PCDHGA2: variants seen among roughly 807,000 people sequenced by gnomAD.
PCDHGA2 encodes the protein protocadherin gamma subfamily A, 2, also known as protocadherin gamma-A2.
PCDHGA2 carries 40 observed loss-of-function variants against 59.2 expected under a neutral mutation model. That is an observed-to-expected ratio of 0.68 (90% confidence interval 0.52 to 0.88). The LOEUF (loss-of-function observed/expected upper bound fraction) is 0.88, where lower values mean the gene tolerates loss of function less well. Ranked by LOEUF, PCDHGA2 falls within the 40% of genes least tolerant of loss-of-function variation. The pLI is 0.00. For synonymous variants in PCDHGA2, 560 were observed against 526.0 expected, an observed-to-expected ratio of 1.06 and a Z score of -0.89; for missense variants, 1,226 against 1,204.0, an observed-to-expected ratio of 1.02 and a Z score of -0.27.
chr5:141,506,266 T>A (rs1397052417), intron 3 of PCDHGA2, among the ~76,000 whole-genome samples: 1 of 151,862 alleles, frequency 6.6e-6, no homozygotes, highest in Non-Finnish European at 1.5e-5. Context: ...CTGGCCAACA[T>A]AGTGAAACCC....
intron 1 of PCDHGA2, chr5:141,427,965 C>T: frequency 6.3e-7 from 1 of 1,590,342 alleles, no homozygotes; most frequent in Non-Finnish European, 8.6e-7. Flanking sequence ...GCCGCGGGTG[C>T]TGTACCCCGC....
chr5:141,431,356 C>T lies in PCDHGA2; in HGVS notation c.2425-63451C>T. ...ACCCCGAATTGGTGCTGAAACGCGC[C>T]CTGGACCGCGAAGAAAAGGCTGCTC... On this transcript the variant is annotated intron_variant, in intron 1 of 3. Transcript: ENST00000394576. This position sits in a 1 kb window ranked among gnomAD's most constrained non-coding sequence, Gnocchi z 4.8. 6.2e-7 allele frequency: 1 copy of T among 1,614,004 alleles called. No individual in the cohort carries two copies. The highest frequency in any genetic ancestry group is 8.5e-7 in the Non-Finnish European group (1 of 1,180,026).
At chr5:141,424,746 T>TTA (rs1392854638) in intron 1 of PCDHGA2, 1 of 152,214 alleles carries the variant, frequency 6.6e-6, no homozygotes, top group Non-Finnish European at 1.5e-5. Flanking sequence ...CTTTCTTTCT[T>TTA]TATAAGGTCA....
At chr5:141,423,591 A>G in intron 1 of PCDHGA2, 1 of 1,613,312 alleles carries the variant, frequency 6.2e-7, no homozygotes, top group South Asian at 1.1e-5. Context: ...GCTGTGAGAA[A>G]AGCGAGCCAC....
chr5:141,390,214 T>G, intron 1 of PCDHGA2: 1 of 1,614,064 alleles, frequency 6.2e-7, no homozygotes, highest in Non-Finnish European at 8.5e-7. Flanking sequence ...GGACAAGACA[T>G]ACTTTGCGGT....
Position 141,340,963 on chromosome 5 carries a change from G to C in PCDHGA2, c.1992G>C (p.Val664=), listed in dbSNP as rs898233139. ...LSATVTLTVA[V]ADRIPDILAD... is the part of the protein sequence containing the mutation. ...CCACTGTCACGCTCACCGTGGCCGTGGCCGACAGGATCCCCGACATCCTGG... is the reference window on the plus strand; with the variant it reads ...CCACTGTCACGCTCACCGTGGCCGTCGCCGACAGGATCCCCGACATCCTGG... The change falls in exon 1 of 4, where the codon GTG becomes GTC. Residue 664 remains valine, a synonymous_variant. Coordinates refer to ENST00000394576, the MANE Select transcript of PCDHGA2 (RefSeq NM_018915.4). The C allele has an allele frequency of 3.9e-5, 63 of 1,613,898 alleles. No homozygotes were observed. Among genetic ancestry groups the C allele is most frequent in the Non-Finnish European group, 5.3e-5 (62 of 1,179,832 alleles).
At chr5:141,385,487 A>G in intron 1 of PCDHGA2, 1 of 1,416,436 alleles carries the variant, frequency 7.1e-7, no homozygotes, top group Admixed American at 3.0e-5. Flanking sequence ...TATAGAACAC[A>G]TAGGATATAG....
At chr5:141,429,169 T>TACACACACACACACACAC (rs10667977) in intron 1 of PCDHGA2, 2 of 145,394 alleles carry the variant, frequency 1.4e-5, no homozygotes, top group African/African-American at 5.1e-5. Flanking sequence ...ACATTGTTTA[T>TACACACACACACACACAC]ACACACACAC....
chr5:141,478,660 T>C, intron 1 of PCDHGA2: 2 of 1,551,848 alleles, frequency 1.3e-6, no homozygotes, highest in Non-Finnish European at 1.7e-6. Flanking sequence ...TGGTGATGCA[T>C]TCACACTTTC....
At chr5:141,366,829 T>A in intron 1 of PCDHGA2, 1 of 1,527,578 alleles carries the variant, frequency 6.5e-7, no homozygotes, top group Non-Finnish European at 8.8e-7. Flanking sequence ...ATATTCAGAA[T>A]CAGCTAGTTA....
chr5:141,352,731 T>C lies in PCDHGA2; in HGVS notation c.2424+11336T>C, dbSNP rs1759098100. ...GCGGCCGGGCGCGGTGGCTCAAGCC[T>C]GTAATCCCAGCACTTAACCAGGCTG... On this transcript the variant is annotated intron_variant, in intron 1 of 3. Transcript: ENST00000394576. 2.0e-6 allele frequency: 3 copies of C among 1,516,406 alleles called. No homozygotes were observed. The East Asian group carries it at 7.4e-5, about 37-fold the overall frequency. 93.9% of individuals were successfully genotyped at this position (1,516,406 alleles called of 1,614,324 possible). A position where few individuals can be genotyped will look rare whatever the true frequency, so the allele number is the denominator to read the frequency against.
intron 1 of PCDHGA2, chr5:141,413,729 GAGTTC>G: frequency 6.2e-7 from 1 of 1,613,496 alleles, no homozygotes; most frequent in Non-Finnish European, 8.5e-7. Flanking sequence ...TTCTCCCTAA[GAGTTC>G]AGAGCCGTGC....
intron 1 of PCDHGA2, chr5:141,421,220 A>T (rs1178268746): frequency 6.3e-7 from 1 of 1,575,620 alleles, no homozygotes; most frequent in East Asian, 2.3e-5. Context: ...ATCGGCTTAG[A>T]GCCTGCCATG....
chr5:141,404,572 A>G (rs755182149), intron 1 of PCDHGA2: 79 of 1,613,728 alleles, frequency 4.9e-5, no homozygotes, highest in Non-Finnish European at 6.0e-5. Context: ...GTGGAAGCCC[A>G]CCACTTAGCA....
At chr5:141,388,034 C>T in intron 1 of PCDHGA2, 2 of 1,423,576 alleles carry the variant, frequency 1.4e-6, no homozygotes, top group Non-Finnish European at 1.9e-6. Flanking sequence ...TGGGGAACCT[C>T]GCCACGGACC....
intron 1 of PCDHGA2, chr5:141,422,581 G>A (rs1223117895): frequency 3.7e-6 from 6 of 1,613,984 alleles, no homozygotes; most frequent in Non-Finnish European, 4.2e-6. Flanking sequence ...TAACCCTCCC[G>A]TTTTTCCTCA....
intron 1 of PCDHGA2, chr5:141,419,929 T>C: frequency 6.2e-7 from 1 of 1,614,076 alleles, no homozygotes; most frequent in Non-Finnish European, 8.5e-7. Context: ...AGATGCAGTT[T>C]TACCTGGTGG....
At chr5:141,507,286 TC>T in intron 3 of PCDHGA2, 1 of 149,886 alleles carries the variant, frequency 6.7e-6, no homozygotes, top group East Asian at 1.9e-4. Context: ...TAAGTCAGTC[TC>T]AAATGTTGCA....
At chr5:141,478,423 C>A (rs1355847104) in intron 1 of PCDHGA2, 1 of 1,613,672 alleles carries the variant, frequency 6.2e-7, no homozygotes, top group Admixed American at 1.7e-5. Context: ...CCCGCCGCAG[C>A]GACCCGCTGC....
Sources: allele counts gnomAD v4.1 joint callset (sites outside exome capture counted in the v4.1 genomes callset), GRCh38; gene constraint gnomAD v4.1.1; non-coding constraint Gnocchi (gnomAD v3.1); transcripts MANE v1.5; gene names NCBI Gene and HGNC (gene_info 2026-07-23, HGNC 2026-07-21).